Variants in SGCZ observed in about 807,000 individuals in gnomAD.
The protein encoded by SGCZ is zeta-sarcoglycan.
In SGCZ, 40 loss-of-function variants were observed where a neutral mutation model predicts 41.3. The ratio of observed to expected loss-of-function variants is 0.97; its 90% CI spans 0.75 to 1.26. The LOEUF (loss-of-function observed/expected upper bound fraction) is 1.26. Ranked by LOEUF, SGCZ falls within the 50% of genes most tolerant of loss-of-function variation. The probability of loss-of-function intolerance (pLI) is 0.00; values close to 1 mark genes in which losing one functional copy is unlikely to be tolerated. For missense variants in SGCZ, 552 were observed against 369.8 expected (o/e 1.49, Z -4.04); for synonymous variants, 206 against 137.5 (o/e 1.50, Z -3.49).
At chr8:14,461,568 C>T (rs564866668) in intron 2 of SGCZ, among the ~76,000 whole-genome samples, 1 of 152,148 alleles carries the variant, frequency 6.6e-6, no homozygotes, top group Admixed American at 6.6e-5. Context: ...CATGCACTGA[C>T]CTAGACGAAT....
At chr8:15,087,931 G>C (rs180784816) in intron 1 of SGCZ, among the ~76,000 whole-genome samples, 2 of 151,602 alleles carry the variant, frequency 1.3e-5, no homozygotes, top group African/African-American at 2.4e-5. Flanking sequence ...TTATTTTTCT[G>C]TATAAACATG....
At chr8:14,324,691 C>CAA (rs1404334379) in intron 2 of SGCZ, among the ~76,000 whole-genome samples, 1 of 152,020 alleles carries the variant, frequency 6.6e-6, no homozygotes, top group African/African-American at 2.4e-5. Context: ...TTCCAGTGTT[C>CAA]AAACCATGAG....
At chr8:14,865,465 T>TTCTG (rs1803896194) in intron 1 of SGCZ, among the ~76,000 whole-genome samples, 1 of 152,116 alleles carries the variant, frequency 6.6e-6, no homozygotes, top group Admixed American at 6.6e-5. Context: ...CCCCTGTGAA[T>TTCTG]GAATCAATCT....
intron 1 of SGCZ, among the ~76,000 whole-genome samples, chr8:15,014,746 T>C (rs1299965917): frequency 1.3e-5 from 2 of 152,164 alleles, no homozygotes; most frequent in African/African-American, 4.8e-5. Context: ...CCATACTGAC[T>C]TTATAAAAGG....
chr8:14,618,815 T>A (rs1269877613), intron 1 of SGCZ, among the ~76,000 whole-genome samples: 1 of 152,116 alleles, frequency 6.6e-6, no homozygotes, highest in Admixed American at 6.6e-5. Context: ...ACTGAAAGCA[T>A]TCCTTAACAA....
chr8:14,793,441 G>A (rs548578452), intron 1 of SGCZ, among the ~76,000 whole-genome samples: 1 of 152,196 alleles, frequency 6.6e-6, no homozygotes, highest in Admixed American at 6.5e-5. Context: ...AAAAGCTATG[G>A]CAAATAAACA....
intron 2 of SGCZ, among the ~76,000 whole-genome samples, chr8:14,461,382 A>G (rs905208021): frequency 2.0e-5 from 3 of 152,006 alleles, no homozygotes; most frequent in African/African-American, 4.8e-5. Context: ...AATATCCCCA[A>G]TGTCTCTCAC....
At chr8:14,801,665 G>A (rs1801324728) in intron 1 of SGCZ, among the ~76,000 whole-genome samples, 2 of 152,156 alleles carry the variant, frequency 1.3e-5, no homozygotes, top group South Asian at 4.1e-4. Flanking sequence ...TGCATTTGGA[G>A]TTGGGGGAAA....
chr8:14,821,048 A>T (rs1334627158), intron 1 of SGCZ, among the ~76,000 whole-genome samples: 1 of 151,948 alleles, frequency 6.6e-6, no homozygotes, highest in Non-Finnish European at 1.5e-5. Context: ...ATTGGTTTGT[A>T]AAAGATAAAC....
intron 4 of SGCZ, among the ~76,000 whole-genome samples, chr8:14,170,050 T>G (rs1336793356): frequency 2.0e-5 from 2 of 98,762 alleles, no homozygotes; most frequent in East Asian, 7.8e-4. Context: ...TTGGGTTCTT[T>G]CACTTGATTT....
intron 5 of SGCZ, among the ~76,000 whole-genome samples, chr8:14,147,330 C>T (rs568743252): frequency 6.6e-6 from 1 of 152,088 alleles, no homozygotes; most frequent in South Asian, 2.1e-4. Context: ...CACACTTGAC[C>T]TATAAAGATA....
intron 2 of SGCZ, among the ~76,000 whole-genome samples, chr8:14,513,686 A>T (rs1802530205): frequency 6.6e-6 from 1 of 152,078 alleles, no homozygotes; most frequent in African/African-American, 2.4e-5. Flanking sequence ...GGAAATAAAT[A>T]TTACCAGTTC....
chr8:14,103,831 C>T (rs75787165), intron 6 of SGCZ, among the ~76,000 whole-genome samples: 6,685 of 152,096 alleles, frequency 0.044, 214 homozygotes, highest in Non-Finnish European at 0.07. Context: ...AACTTGAAGA[C>T]AATCACTCAC....
chr8:15,191,720 A>C (rs1038211841), intron 1 of SGCZ, among the ~76,000 whole-genome samples: 1 of 152,006 alleles, frequency 6.6e-6, no homozygotes, highest in Non-Finnish European at 1.5e-5. Context: ...AGCATGTACA[A>C]ATAATATGCT....
chr8:15,156,643 T>A (rs987440154), intron 1 of SGCZ, among the ~76,000 whole-genome samples: 11 of 152,116 alleles, frequency 7.2e-5, no homozygotes, highest in African/African-American at 2.7e-4. Flanking sequence ...TACATACCAA[T>A]GTAAAGAAAG....
chr8:14,147,714 C>T (rs1803570606), intron 5 of SGCZ, among the ~76,000 whole-genome samples: 1 of 152,068 alleles, frequency 6.6e-6, no homozygotes, highest in Non-Finnish European at 1.5e-5. Context: ...ATGGATATAA[C>T]AGATATTTAT....
At chr8:14,862,340 C>T (rs1361951837) in intron 1 of SGCZ, among the ~76,000 whole-genome samples, 1 of 151,752 alleles carries the variant, frequency 6.6e-6, no homozygotes, top group Admixed American at 6.6e-5. Context: ...CAGACACCTT[C>T]CCAGTGGCAC....
intron 1 of SGCZ, among the ~76,000 whole-genome samples, chr8:15,092,687 T>C (rs1806197944): frequency 6.6e-6 from 1 of 152,214 alleles, no homozygotes; most frequent in Non-Finnish European, 1.5e-5. Flanking sequence ...AATTCCATAC[T>C]TCAAAAGAAC....
chr8:14,275,505 T>C (rs904760395), intron 3 of SGCZ, among the ~76,000 whole-genome samples: 29 of 152,158 alleles, frequency 1.9e-4, no homozygotes, highest in Non-Finnish European at 4.3e-4. Flanking sequence ...CTTTCTCTGT[T>C]TGATCACTCA....
Sources: gnomAD v4.1 joint callset for allele counts (sites outside exome capture counted in the v4.1 genomes callset) on GRCh38, gnomAD v4.1.1 for gene constraint, MANE v1.5 for transcripts, NCBI Gene and HGNC (gene_info 2026-07-23, HGNC 2026-07-21) for gene names.